Variants in NAF1 observed in about 807,000 individuals in gnomAD.
The protein encoded by NAF1 is H/ACA ribonucleoprotein complex non-core subunit NAF1.
NAF1 carries 11 observed loss-of-function variants against 40.6 expected under a neutral mutation model. The ratio of observed to expected loss-of-function variants is 0.27; its 90% CI spans 0.17 to 0.45. The LOEUF (loss-of-function observed/expected upper bound fraction) is 0.45. NAF1 is among the 20% of genes least tolerant of loss of function. The pLI is 1.00. For synonymous variants in NAF1, 260 were observed against 228.5 expected, an observed-to-expected ratio of 1.14 and a Z score of -1.24; for missense variants, 607 against 611.1, an observed-to-expected ratio of 0.99 and a Z score of 0.07.
intron 2 of NAF1, chr4:163,119,883 G>C (rs1486655855): frequency 6.6e-6 from 1 of 152,166 alleles, no homozygotes; most frequent in African/African-American, 2.4e-5. Flanking sequence ...ACTTTCTTCT[G>C]CCGGTAAATA....
chr4:163,121,864 A>G (rs1730527574), downstream of NAF1, among the ~76,000 whole-genome samples: 1 of 152,238 alleles, frequency 6.6e-6, no homozygotes, highest in Non-Finnish European at 1.5e-5. Flanking sequence ...TGAGAAGTAA[A>G]GACACAGAAA....
chr4:163,135,886 A>G (rs1731037195), intron 6 of NAF1: 1 of 152,272 alleles, frequency 6.6e-6, no homozygotes, highest in South Asian at 2.1e-4. Flanking sequence ...ATGTAATTCC[A>G]GTAATAAGAT....
At chr4:163,136,729 T>C (rs1440876239) in intron 6 of NAF1, among the ~76,000 whole-genome samples, 41 of 152,260 alleles carry the variant, frequency 2.7e-4, no homozygotes, top group East Asian at 1.9e-4. Context: ...AAGGTAGTTA[T>C]ATCGTAAAAA....
At chr4:163,164,460 A>G (rs948721834) in intron 1 of NAF1, 69 bp from the exon 2 acceptor site, 9 of 1,096,012 alleles carry the variant, frequency 8.2e-6, no homozygotes, top group Non-Finnish European at 9.9e-6. Context: ...AAGATTATTC[A>G]ATTAAGAAAT....
exon 3 of NAF1, chr4:163,110,089 T>C (rs569502335): frequency 7.1e-5 from 34 of 479,704 alleles, no homozygotes; most frequent in Non-Finnish European, 1.2e-4. Flanking sequence ...TCATTATTTA[T>C]TTAGGCAGAA....
At chr4:163,118,889 T>A (rs1479537285) in intron 2 of NAF1, among the ~76,000 whole-genome samples, 2 of 152,246 alleles carry the variant, frequency 1.3e-5, no homozygotes, top group African/African-American at 4.8e-5. Context: ...CCTGGATGGG[T>A]CCTTTGACTA....
chr4:163,143,524 C>T (rs1039505327), intron 4 of NAF1, among the ~76,000 whole-genome samples: 1 of 152,158 alleles, frequency 6.6e-6, no homozygotes, highest in South Asian at 2.1e-4. Flanking sequence ...GTACTCTCCT[C>T]CCCCTCTCCA....
chr4:163,137,774 C>CA (rs1731115282), intron 5 of NAF1, among the ~76,000 whole-genome samples: 1 of 152,044 alleles, frequency 6.6e-6, no homozygotes, highest in South Asian at 2.1e-4. Context: ...CACTGATTCT[C>CA]AAAGCAGTGA....
intron 2 of NAF1, among the ~76,000 whole-genome samples, chr4:163,151,700 C>G (rs1172829034): frequency 6.6e-6 from 1 of 151,970 alleles, no homozygotes; most frequent in Non-Finnish European, 1.5e-5. Context: ...AAATATTTTT[C>G]CCCTTGGAAT....
intron 2 of NAF1, among the ~76,000 whole-genome samples, chr4:163,110,678 G>A (rs532301187): frequency 3.3e-5 from 5 of 152,216 alleles, no homozygotes; most frequent in African/African-American, 1.2e-4. Context: ...CACTGAAAGA[G>A]GACAGGAACT....
intron 2 of NAF1, among the ~76,000 whole-genome samples, chr4:163,162,335 G>C (rs188614337): frequency 1.3e-5 from 2 of 152,276 alleles, no homozygotes; most frequent in Admixed American, 6.5e-5. Context: ...GTAAGCCAGA[G>C]ATTTAGGGCA....
At chr4:163,153,370 G>A (rs1238497145) in intron 2 of NAF1, among the ~76,000 whole-genome samples, 3 of 152,260 alleles carry the variant, frequency 2.0e-5, no homozygotes, top group Admixed American at 6.5e-5. Flanking sequence ...TTGTAAACAC[G>A]CCAATCAGCA....
intron 2 of NAF1, among the ~76,000 whole-genome samples, chr4:163,121,294 T>C (rs541337809): frequency 7.3e-4 from 111 of 152,320 alleles, no homozygotes; most frequent in Non-Finnish European, 1.2e-3. Context: ...TCCATTTCCA[T>C]ACAGGATATT....
intron 6 of NAF1, chr4:163,135,218 TTC>T (rs1226798935): frequency 6.6e-6 from 1 of 152,226 alleles, no homozygotes; most frequent in Non-Finnish European, 1.5e-5. Flanking sequence ...TTTCTCCTTT[TTC>T]TCTTTTTAAG....
At chr4:163,137,436 T>A (rs1198278892) in intron 5 of NAF1, among the ~76,000 whole-genome samples, 186 bp from the exon 6 acceptor site, 3 of 152,138 alleles carry the variant, frequency 2.0e-5, no homozygotes, top group African/African-American at 7.2e-5. Flanking sequence ...ACACAAAAGT[T>A]GAGCAAGTAG....
At chr4:163,117,711 ACACACACG>A (rs1404876298) in intron 2 of NAF1, among the ~76,000 whole-genome samples, 1 of 151,130 alleles carries the variant, frequency 6.6e-6, no homozygotes, top group African/African-American at 2.4e-5. Context: ...ACACACACAC[ACACACACG>A]CATGAATACA....
chr4:163,160,079 C>T (rs1011005410), intron 2 of NAF1, among the ~76,000 whole-genome samples: 2 of 152,114 alleles, frequency 1.3e-5, no homozygotes, highest in Non-Finnish European at 2.9e-5. Flanking sequence ...TCTCAATTTT[C>T]CAATTCATCA....
intron 6 of NAF1, 80 bp downstream of exon 6, chr4:163,137,119 T>C (rs1579151297): frequency 1.3e-6 from 2 of 1,528,926 alleles, no homozygotes; most frequent in South Asian, 1.2e-5. Context: ...ATGACTTCCC[T>C]AACAGCAAGA....
chr4:163,121,950 C>A (rs914697078), downstream of NAF1, among the ~76,000 whole-genome samples: 1 of 152,144 alleles, frequency 6.6e-6, no homozygotes, highest in Admixed American at 6.5e-5. Flanking sequence ...TTTTCTGCAA[C>A]AGAAAATAAC....
Sources: allele counts gnomAD v4.1 joint callset (sites outside exome capture counted in the v4.1 genomes callset), GRCh38; gene constraint gnomAD v4.1.1; transcripts MANE v1.5; gene names NCBI Gene and HGNC (gene_info 2026-07-23, HGNC 2026-07-21).